The following ZPBP variants were observed in gnomAD, a reference collection of about 807,000 sequenced individuals.
ZPBP encodes the protein zona pellucida-binding protein 1.
Under a neutral mutation model 44.8 loss-of-function variants are expected in ZPBP, and 26 were observed. That is an observed-to-expected ratio of 0.58 (90% CI 0.43 to 0.81). ZPBP has a LOEUF of 0.81. ZPBP is among the 30% of genes least tolerant of loss of function. ZPBP has a pLI of 0.00. For synonymous variants in ZPBP, 174 were observed against 153.2 expected (o/e 1.14, Z -1.00); for missense variants, 409 against 434.0 (o/e 0.94, Z 0.51).
chr7:49,867,929 G>A (rs975828803), intron 2 of ZPBP, among the ~76,000 whole-genome samples: 4 of 151,860 alleles, frequency 2.6e-5, no homozygotes, highest in Non-Finnish European at 2.9e-5. Context: ...CGCCTCCCAA[G>A]TTCAAGCAAT....
At chr7:49,861,888 T>C (rs997486396) in intron 2 of ZPBP, among the ~76,000 whole-genome samples, 1 of 152,214 alleles carries the variant, frequency 6.6e-6, no homozygotes, top group African/African-American at 2.4e-5. Context: ...ACTGTTTTGA[T>C]TACTGTAACT....
intron 1 of ZPBP, among the ~76,000 whole-genome samples, chr7:49,927,852 C>T (rs1473470091): frequency 6.6e-6 from 1 of 152,138 alleles, no homozygotes; most frequent in African/African-American, 2.4e-5. Context: ...AAGAAAATGA[C>T]AGCAATAAAT....
chr7:49,966,777 G>C (rs572887866), intron 7 of ZPBP, among the ~76,000 whole-genome samples: 3 of 152,212 alleles, frequency 2.0e-5, no homozygotes, highest in Admixed American at 6.5e-5. Context: ...GATTAGTTTT[G>C]TGATTCACAG....
intron 2 of ZPBP, among the ~76,000 whole-genome samples, chr7:49,875,872 G>C (rs182129904): frequency 2.6e-4 from 39 of 152,200 alleles, no homozygotes; most frequent in Admixed American, 1.4e-3. Context: ...ATCCTGCTTG[G>C]TTTCTCACCA....
downstream of ZPBP, among the ~76,000 whole-genome samples, chr7:49,934,012 C>A (rs976419235): frequency 5.3e-5 from 8 of 150,260 alleles, no homozygotes; most frequent in Non-Finnish European, 1.0e-4. Context: ...TGTAACAAAC[C>A]TACACGTTGT....
intron 7 of ZPBP, among the ~76,000 whole-genome samples, chr7:49,963,825 G>A (rs1795952645): frequency 6.6e-6 from 1 of 151,592 alleles, no homozygotes; most frequent in African/African-American, 2.4e-5. Flanking sequence ...TGTTATTATG[G>A]GCTTATTTTT....
At chr7:49,986,243 T>C (rs749408136) in intron 6 of ZPBP, among the ~76,000 whole-genome samples, 6 of 152,184 alleles carry the variant, frequency 3.9e-5, no homozygotes, top group Non-Finnish European at 5.9e-5. Flanking sequence ...CCACCCTCCG[T>C]TGCTCCTGGG....
At chr7:49,969,818 T>TATAG (rs1251878248) in intron 7 of ZPBP, among the ~76,000 whole-genome samples, 13 of 123,402 alleles carry the variant, frequency 1.1e-4, no homozygotes, top group East Asian at 2.9e-4. Flanking sequence ...TATATATATA[T>TATAG]AGAGAGAGAG....
intron 4 of ZPBP, among the ~76,000 whole-genome samples, chr7:50,047,166 G>A (rs1389157540): frequency 6.6e-6 from 1 of 152,026 alleles, no homozygotes; most frequent in Admixed American, 6.6e-5. Context: ...AGCTAGGGGA[G>A]GGATAGCATT....
chr7:49,848,300 G>A (rs1465245237), downstream of ZPBP, among the ~76,000 whole-genome samples: 2 of 152,166 alleles, frequency 1.3e-5, no homozygotes, highest in Admixed American at 6.5e-5. Flanking sequence ...AGCCTCCCAC[G>A]GCAGGGTCTT....
chr7:49,980,259 TATA>T (rs1796773590), intron 7 of ZPBP, among the ~76,000 whole-genome samples: 1 of 122,152 alleles, frequency 8.2e-6, no homozygotes, highest in Non-Finnish European at 1.6e-5. Flanking sequence ...ATATAATACA[TATA>T]ATATAAATAT....
At chr7:49,943,899 T>G in intron 7 of ZPBP, 1 of 287,004 alleles carries the variant, frequency 3.5e-6, no homozygotes. Flanking sequence ...TACTGACTCA[T>G]GATCTTTTCT....
chr7:49,934,197 G>A (rs1316583476), downstream of ZPBP, among the ~76,000 whole-genome samples: 1 of 152,036 alleles, frequency 6.6e-6, no homozygotes, highest in African/African-American at 2.4e-5. Context: ...CCTCAAGCTG[G>A]TTCACCTAAT....
intron 4 of ZPBP, among the ~76,000 whole-genome samples, chr7:50,039,195 G>T (rs1056926078): frequency 1.3e-5 from 2 of 151,884 alleles, no homozygotes; most frequent in Non-Finnish European, 1.5e-5. Flanking sequence ...AGAAGATATG[G>T]TTATAAAATC....
intron 6 of ZPBP, among the ~76,000 whole-genome samples, chr7:49,983,964 T>A (rs1797139374): frequency 1.3e-5 from 2 of 152,202 alleles, no homozygotes. Context: ...TCTAGCTCTG[T>A]TTCAAAAATT....
At chr7:49,957,918 G>T (rs1459248936) in intron 7 of ZPBP, among the ~76,000 whole-genome samples, 5 of 152,212 alleles carry the variant, frequency 3.3e-5, no homozygotes, top group Non-Finnish European at 5.9e-5. Context: ...AGCCATAGAA[G>T]TGTGGCTTCT....
chr7:50,093,187 G>A lies in ZPBP; in HGVS notation c.8C>T (p.Ala3Val), dbSNP rs1400554670. Residue 3 changes from alanine to valine, a missense_variant, in exon 1 of 8, where the codon GCC becomes GTC. Physicochemically the swap from Ala to Val is moderately conservative, Grantham distance 64. Transcript: ENST00000046087. ...CCGCCGCGCTGGGCCAAGGGCGAAG[G>A]CCTCCATCCACACGCCGCCGTCGCC... ME[A>V]FALGPARRGR... 4 of 1,525,440 alleles carry A rather than the reference G, an allele frequency of 2.6e-6. No individual in the cohort carries two copies. The highest frequency in any genetic ancestry group is 2.6e-5 in the East Asian group (1 of 39,176). 94.5% of individuals were successfully genotyped at this position (1,525,440 alleles called of 1,614,324 possible).
chr7:50,085,615 T>G (rs1017581289), intron 2 of ZPBP, among the ~76,000 whole-genome samples: 4 of 152,010 alleles, frequency 2.6e-5, no homozygotes, highest in African/African-American at 9.7e-5. Flanking sequence ...CTGGAAGACC[T>G]CGTATTAAAG....
At chr7:49,893,965 G>C (rs1792255463) in intron 2 of ZPBP, among the ~76,000 whole-genome samples, 1 of 152,150 alleles carries the variant, frequency 6.6e-6, no homozygotes, top group African/African-American at 2.4e-5. Context: ...GGACCCTGCT[G>C]GGCTCTCACT....
Sources: allele counts gnomAD v4.1 joint callset (sites outside exome capture counted in the v4.1 genomes callset), GRCh38; gene constraint gnomAD v4.1.1; transcripts MANE v1.5; gene names NCBI Gene and HGNC (gene_info 2026-07-23, HGNC 2026-07-21).